Variants in ERC1 observed in about 807,000 individuals in gnomAD.
ERC1 encodes the protein RAB6 interacting protein 2.
A neutral mutation model predicts 132.0 loss-of-function variants in ERC1; 56 were observed. The ratio of observed to expected loss-of-function variants is 0.42; its 90% CI spans 0.34 to 0.53. The LOEUF is 0.53. Ranked by LOEUF, ERC1 falls within the 20% of genes least tolerant of loss-of-function variation. The probability of loss-of-function intolerance (pLI) is 0.03; values close to 1 mark genes in which losing one functional copy is unlikely to be tolerated. For missense variants in ERC1, 1,202 were observed against 1,349.9 expected, an observed-to-expected ratio of 0.89 and a Z score of 1.72; for synonymous variants, 478 against 476.1, an observed-to-expected ratio of 1.00 and a Z score of -0.05.
chr12:1,031,385 C>T (rs988297796), intron 2 of ERC1, among the ~76,000 whole-genome samples: 1 of 152,096 alleles, frequency 6.6e-6, no homozygotes, highest in African/African-American at 2.4e-5. Context: ...AACAACATTT[C>T]TACTGTATAT....
chr12:1,050,567 T>C (rs1469086040), intron 2 of ERC1, among the ~76,000 whole-genome samples: 1 of 152,224 alleles, frequency 6.6e-6, no homozygotes, highest in Non-Finnish European at 1.5e-5. Flanking sequence ...CTTTTTTGTT[T>C]GCTTACCATC....
At chr12:1,056,084 T>A (rs74672751) in intron 2 of ERC1, among the ~76,000 whole-genome samples, 2,950 of 145,392 alleles carry the variant, frequency 0.02, 67 homozygotes, top group African/African-American at 0.062. Flanking sequence ...TTTTTTTTTT[T>A]AAAAAAAAGG....
At chr12:1,379,052 A>T (rs1413807434) in intron 16 of ERC1, among the ~76,000 whole-genome samples, 5 of 152,222 alleles carry the variant, frequency 3.3e-5, no homozygotes, top group African/African-American at 1.2e-4. Context: ...TTGTTGCTGT[A>T]ATACACATAG....
upstream of ERC1, chr12:990,141 A>C (rs933931537): frequency 1.3e-5 from 2 of 152,212 alleles, no homozygotes; most frequent in African/African-American, 4.8e-5. Context: ...TGTTAATGGG[A>C]TTATGAGGCA....
At chr12:1,392,031 T>G (rs2090011605) in intron 16 of ERC1, among the ~76,000 whole-genome samples, 2 of 152,196 alleles carry the variant, frequency 1.3e-5, no homozygotes, top group African/African-American at 4.8e-5. Context: ...AAAATATTCC[T>G]GATACTTCTT....
At chr12:1,001,132 C>A (rs532780989) in intron 1 of ERC1, among the ~76,000 whole-genome samples, 1 of 152,192 alleles carries the variant, frequency 6.6e-6, no homozygotes, top group Non-Finnish European at 1.5e-5. Context: ...AAACTCCTGA[C>A]CTCAGGTGAT....
chr12:1,474,543 C>G (rs1028218982), intron 18 of ERC1, among the ~76,000 whole-genome samples: 6 of 152,182 alleles, frequency 3.9e-5, no homozygotes, highest in Admixed American at 2.0e-4. Context: ...TCTCTAACAT[C>G]TTTACTAGAG....
chr12:1,431,064 G>A (rs1158815187), intron 17 of ERC1, among the ~76,000 whole-genome samples: 4 of 152,132 alleles, frequency 2.6e-5, no homozygotes, highest in South Asian at 2.1e-4. Flanking sequence ...TAACTTGCCC[G>A]TAGGAACTAC....
chr12:1,273,045 A>G (rs2077987618), intron 14 of ERC1, among the ~76,000 whole-genome samples: 1 of 151,216 alleles, frequency 6.6e-6, no homozygotes, highest in Admixed American at 6.6e-5. Context: ...TTTCAGTTTT[A>G]CTAAGCCAGA....
chr12:1,119,337 G>C (rs1365138263), intron 7 of ERC1, among the ~76,000 whole-genome samples: 1 of 151,892 alleles, frequency 6.6e-6, no homozygotes, highest in African/African-American at 2.4e-5. Flanking sequence ...AGTATATATG[G>C]AATCGCTCCC....
chr12:1,131,439 G>A (rs73041007), intron 7 of ERC1, among the ~76,000 whole-genome samples: 11,464 of 152,178 alleles, frequency 0.075, 534 homozygotes, highest in Middle Eastern at 0.14. Flanking sequence ...TTAAAACAAA[G>A]GAAAGTTAAG....
chr12:1,067,383 A>G (rs145325494), intron 2 of ERC1, among the ~76,000 whole-genome samples: 65 of 152,342 alleles, frequency 4.3e-4, no homozygotes, highest in Non-Finnish European at 8.5e-4. Context: ...CACAAACAGA[A>G]GTAATGTTAA....
At chr12:1,094,826 T>A (rs1282173088) in intron 3 of ERC1, among the ~76,000 whole-genome samples, 1 of 152,226 alleles carries the variant, frequency 6.6e-6, no homozygotes, top group Non-Finnish European at 1.5e-5. Context: ...CAATGGTGTG[T>A]GACACTGGGC....
intron 17 of ERC1, among the ~76,000 whole-genome samples, chr12:1,413,405 C>T (rs1417259625): frequency 6.6e-6 from 1 of 152,028 alleles, no homozygotes; most frequent in Non-Finnish European, 1.5e-5. Flanking sequence ...ACCAGGCTGG[C>T]CAGCATGACA....
At chr12:1,019,780 GTGGCTCGCTGTAGTGCAGTGGCACTATCA>G (rs1275408070) in intron 1 of ERC1, among the ~76,000 whole-genome samples, 1 of 152,026 alleles carries the variant, frequency 6.6e-6, no homozygotes, top group East Asian at 1.9e-4. Flanking sequence ...TGGAACTATC[GTGGCTCGCTGTAGTGCAGTGGCACTATCA>G]TGGCTCACTG....
At chr12:1,362,130 G>C (rs1224625448) in intron 15 of ERC1, among the ~76,000 whole-genome samples, 1 of 152,054 alleles carries the variant, frequency 6.6e-6, no homozygotes, top group African/African-American at 2.4e-5. Context: ...TCTCATTCTT[G>C]AACAAATTTT....
At chr12:1,398,735 G>A (rs998774479) in intron 16 of ERC1, among the ~76,000 whole-genome samples, 13 of 152,112 alleles carry the variant, frequency 8.5e-5, no homozygotes, top group African/African-American at 3.1e-4. Flanking sequence ...GGAAGTCTAA[G>A]ATCAAGGCAC....
chr12:1,019,135 A>AT (rs1457587057), intron 1 of ERC1, among the ~76,000 whole-genome samples: 3 of 152,078 alleles, frequency 2.0e-5, no homozygotes, highest in African/African-American at 7.2e-5. Flanking sequence ...AAAAAAAAAT[A>AT]TTTTTTGAGA....
chr12:1,370,126 G>T (rs1484846242), intron 15 of ERC1, among the ~76,000 whole-genome samples: 1 of 152,180 alleles, frequency 6.6e-6, no homozygotes, highest in African/African-American at 2.4e-5. Context: ...CACTTATATA[G>T]TTCCTATAAA....
Sources: allele counts gnomAD v4.1 joint callset (sites outside exome capture counted in the v4.1 genomes callset), GRCh38; gene constraint gnomAD v4.1.1; transcripts MANE v1.5; gene names NCBI Gene and HGNC (gene_info 2026-07-23, HGNC 2026-07-21).